The following NPHP1 variants were observed in gnomAD, a reference collection of about 807,000 sequenced individuals.
NPHP1 encodes nephrocystin-1.
NPHP1 carries 70 observed loss-of-function variants against 90.4 expected under a neutral mutation model. That is an observed-to-expected ratio of 0.77 (90% CI 0.64 to 0.95). NPHP1 has a LOEUF of 0.95. Among genes scored for constraint, NPHP1 ranks in the 40% least tolerant of loss-of-function variants. NPHP1 has a pLI of 0.00. For synonymous variants in NPHP1, 256 were observed against 271.7 expected (o/e 0.94, Z 0.57); for missense variants, 764 against 795.9 (o/e 0.96, Z 0.48).
intron 16 of NPHP1, among the ~76,000 whole-genome samples, chr2:110,140,278 G>A (rs765479917): frequency 5.3e-5 from 8 of 152,132 alleles, no homozygotes; most frequent in South Asian, 2.1e-4. Context: ...GAAGCTGAGC[G>A]GAAGTCCTGA....
Position 110,164,647 on chromosome 2 carries a change from T to C in NPHP1, c.771+41A>G, listed in dbSNP as rs868682844. The C allele has an allele frequency of 6.2e-7, 1 of 1,613,840 alleles. No individual in the cohort carries two copies. Among genetic ancestry groups the C allele is most frequent in the Middle Eastern group, 1.6e-4 (1 of 6,062 alleles). ...CCTATTTCGCATCAGAACTATTAGG[T>C]AGCAAAACGAGACATGATTAACAAG... On this transcript the variant is annotated intron_variant, in intron 8 of 19. Transcript: ENST00000445609.
chr2:110,180,519 C>A (rs1683819583), intron 2 of NPHP1, among the ~76,000 whole-genome samples: 1 of 118,356 alleles, frequency 8.4e-6, no homozygotes. Flanking sequence ...AAGGGAATAA[C>A]AACGTTGATC....
chr2:110,167,660 C>T (rs1409676098), intron 6 of NPHP1, among the ~76,000 whole-genome samples: 1 of 152,066 alleles, frequency 6.6e-6, no homozygotes, highest in Non-Finnish European at 1.5e-5. Context: ...TACTGAACCC[C>T]TGAGGTGATG....
intron 16 of NPHP1, among the ~76,000 whole-genome samples, chr2:110,134,636 C>T (rs1010538242): frequency 2.6e-5 from 4 of 151,726 alleles, no homozygotes; most frequent in African/African-American, 9.7e-5. Flanking sequence ...GCTTGTACAC[C>T]ATGACCAAGT....
At chr2:110,195,457 G>A (rs1482489897) in intron 2 of NPHP1, among the ~76,000 whole-genome samples, 4 of 152,060 alleles carry the variant, frequency 2.6e-5, no homozygotes, top group Admixed American at 6.6e-5. Flanking sequence ...GGGATGTGAA[G>A]GTCCTCTTCA....
chr2:110,164,365 A>C, intron 8 of NPHP1: 1 of 633,084 alleles, frequency 1.6e-6, no homozygotes, highest in South Asian at 1.9e-5. Context: ...AAAGGCTTTC[A>C]GGATTTTTCG....
In NPHP1 at chr2:110,138,540, G is replaced by T. The variant is rs192158930; in HGVS notation, c.1529+5002C>A. Among the ~76,000 whole-genome samples, 18 of 152,198 alleles carry T rather than the reference G, an allele frequency of 1.2e-4. No individual in the cohort carries two copies. The East Asian group carries it at 2.1e-3, about 18-fold the overall frequency. ...TTGACCTACATTTTAAAGACGGGAT[G>T]CAGGGGACCATTTCAGCTGCCTCAG... is the stretch of plus-strand genomic sequence containing the variant. On this transcript the variant is annotated intron_variant, in intron 16 of 19. Coordinates refer to ENST00000445609, the MANE Select transcript of NPHP1 (RefSeq NM_001128178.3).
chr2:110,160,038 G>T, intron 11 of NPHP1, 89 bp downstream of exon 11: 1 of 1,394,870 alleles, frequency 7.2e-7, no homozygotes, highest in Non-Finnish European at 1.0e-6. Flanking sequence ...ACTCTCTTGG[G>T]AATTGGGGAG....
intron 11 of NPHP1, among the ~76,000 whole-genome samples, chr2:110,154,195 G>C (rs967653437): frequency 6.6e-5 from 10 of 152,072 alleles, no homozygotes; most frequent in African/African-American, 2.4e-4. Flanking sequence ...AAAAATGGGA[G>C]TTTTCCCTGC....
intron 1 of NPHP1, among the ~76,000 whole-genome samples, chr2:110,204,656 A>C (rs1336985002): frequency 6.6e-6 from 1 of 151,596 alleles, no homozygotes; most frequent in Non-Finnish European, 1.5e-5. Flanking sequence ...GGGGGCGCTT[A>C]GTTGATGGTC....
chr2:110,152,685 C>T (rs1015453031), intron 11 of NPHP1, among the ~76,000 whole-genome samples: 2 of 150,386 alleles, frequency 1.3e-5, no homozygotes, highest in Admixed American at 6.6e-5. Flanking sequence ...ATAGCCATGA[C>T]ACCAGAAGCA....
chr2:110,159,266 C>T (rs1682131283), intron 11 of NPHP1, among the ~76,000 whole-genome samples: 1 of 151,874 alleles, frequency 6.6e-6, no homozygotes, highest in Non-Finnish European at 1.5e-5. Flanking sequence ...TTGTCATATT[C>T]TGGGGTCATG....
chr2:110,124,717 C>G (rs943198113), intron 19 of NPHP1: 6 of 177,308 alleles, frequency 3.4e-5, no homozygotes, highest in African/African-American at 1.4e-4. Context: ...ACAGAGATAT[C>G]ACCCATCCCA....
chr2:110,159,540 T>A (rs1682150843), intron 11 of NPHP1, among the ~76,000 whole-genome samples: 1 of 152,048 alleles, frequency 6.6e-6, no homozygotes, highest in Admixed American at 6.5e-5. Context: ...ATCTATTTCA[T>A]CAATGTTGTC....
In NPHP1 at chr2:110,180,774, C is replaced by A. The variant is rs1683848299; in HGVS notation, c.144-1090G>T. Among the ~76,000 whole-genome samples, 3 of 152,138 alleles carry A rather than the reference C, an allele frequency of 2.0e-5. No individual in the cohort carries two copies. The South Asian group carries it at 6.2e-4, about 32-fold the overall frequency. ...CCAAGAGAAGTGGTGAGTGACCATG[C>A]AACCCTGCCCAGAAAACCATGTTTC... is the stretch of plus-strand genomic sequence containing the variant. On this transcript the variant is annotated intron_variant, in intron 2 of 19. Coordinates refer to ENST00000445609, the MANE Select transcript of NPHP1 (RefSeq NM_001128178.3).
At chr2:110,160,320 T>C in intron 10 of NPHP1, 65 bp from the exon 11 acceptor site, 1 of 1,340,378 alleles carries the variant, frequency 7.5e-7, no homozygotes, top group Non-Finnish European at 1.1e-6. Context: ...CTGTCTTTTG[T>C]GAATTCGGCT....
chr2:110,135,233 T>G (rs2104449362), intron 16 of NPHP1, among the ~76,000 whole-genome samples: 1 of 151,952 alleles, frequency 6.6e-6, no homozygotes, highest in African/African-American at 2.4e-5. Flanking sequence ...ATTTCAATAT[T>G]TAGATTTCAA....
chr2:110,149,192 A>T (rs1681281512), intron 12 of NPHP1, among the ~76,000 whole-genome samples: 2 of 152,192 alleles, frequency 1.3e-5, no homozygotes, highest in Non-Finnish European at 2.9e-5. Flanking sequence ...ATTTTGCTGG[A>T]ATAGGAACTT....
intron 10 of NPHP1, 106 bp downstream of exon 10, chr2:110,161,494 ATTT>A: frequency 2.7e-6 from 2 of 727,498 alleles, no homozygotes; most frequent in Non-Finnish European, 2.3e-6. Flanking sequence ...ATCATAAACA[ATTT>A]TTTTGTTTTT....
Sources: allele counts gnomAD v4.1 joint callset (sites outside exome capture counted in the v4.1 genomes callset), GRCh38; gene constraint gnomAD v4.1.1; transcripts MANE v1.5; gene names NCBI Gene and HGNC (gene_info 2026-07-23, HGNC 2026-07-21).